ZDHHC23: variants seen among roughly 807,000 people sequenced by gnomAD.
The protein encoded by ZDHHC23 is zDHHC palmitoyltransferase 23, also known as palmitoyltransferase ZDHHC23.
A neutral mutation model predicts 40.2 loss-of-function variants in ZDHHC23; 41 were observed. The observed-to-expected ratio is 1.02, with a 90% CI of 0.79 to 1.32. ZDHHC23 has a LOEUF of 1.32. Among genes scored for constraint, ZDHHC23 ranks in the 40% most tolerant of loss-of-function variants. The pLI, the probability that ZDHHC23 is intolerant of heterozygous loss-of-function variation, is 0.00. For synonymous variants in ZDHHC23, 204 were observed against 210.2 expected (o/e 0.97, Z 0.26); for missense variants, 471 against 541.5 (o/e 0.87, Z 1.29).
chr3:113,956,280 G>T, intron 3 of ZDHHC23, 59 bp from the exon 4 acceptor site: 1 of 1,532,704 alleles, frequency 6.5e-7, no homozygotes, highest in South Asian at 1.2e-5. Context: ...TATTATGTAA[G>T]TTATATCAAG....
the ZDHHC23 span, among the ~76,000 whole-genome samples, chr3:113,977,959 A>G: frequency 6.6e-6 from 1 of 152,198 alleles, no homozygotes; most frequent in African/African-American, 2.4e-5. Context: ...TCCGTGAGGT[A>G]GAAAGGGCAG....
rs907545823 is a variant in ZDHHC23, at chr3:113,960,977, G to A, written c.*2347G>A. On this transcript the variant is annotated 3_prime_UTR_variant, in exon 5 of 5. Transcript: ENST00000638807. ...TTCTGTAGGCTCTGTGACATCTTTG[G>A]TTTATAGGATTTTGGAGCCTTTTAT... The A allele has an allele frequency of 2.1e-6, 1 of 477,498 alleles. No homozygotes were observed. Among genetic ancestry groups the A allele is most frequent in the Admixed American group, 3.9e-5 (1 of 25,362 alleles). 29.6% of individuals were successfully genotyped at this position (477,498 alleles called of 1,614,324 possible).
chr3:113,953,598 T>G, intron 2 of ZDHHC23, 102 bp from the exon 3 acceptor site: 1 of 1,016,496 alleles, frequency 9.8e-7, no homozygotes, highest in Non-Finnish European at 1.4e-6. Flanking sequence ...TGGTCTTTGG[T>G]AGCTTTTATC....
chr3:113,978,320 A>G, the ZDHHC23 span: 1 of 1,613,934 alleles, frequency 6.2e-7, no homozygotes. Context: ...CTTCCTGCAG[A>G]TCAATCACGT....
At position 113,954,426 on chromosome 3, in the gene ZDHHC23, T is replaced by C. The variant is rs1456462303; in HGVS notation, c.872+16T>C. 1 of 1,539,646 alleles carries C rather than the reference T, an allele frequency of 6.5e-7. No individual in the cohort carries two copies. Among genetic ancestry groups the C allele is most frequent in the Non-Finnish European group, 8.8e-7 (1 of 1,141,676 alleles). ...ATTGTGTCTGGTATGTTGGAAACATTTGGAGACTTGGAAAGTGTAAATTCA... is the reference window on the plus strand; with the variant it reads ...ATTGTGTCTGGTATGTTGGAAACATCTGGAGACTTGGAAAGTGTAAATTCA... On this transcript the variant is annotated intron_variant, in intron 3 of 4. Coordinates refer to ENST00000638807, the MANE Select transcript of ZDHHC23 (RefSeq NM_001320466.2).
At chr3:113,967,719 G>A (rs1940354998), downstream of ZDHHC23, among the ~76,000 whole-genome samples, 1 of 152,026 alleles carries the variant, frequency 6.6e-6, no homozygotes, top group Non-Finnish European at 1.5e-5. Context: ...CTGATCTATT[G>A]AACATTAGGC....
At chr3:113,955,373 T>C (rs1347449973) in intron 3 of ZDHHC23, among the ~76,000 whole-genome samples, 2 of 146,876 alleles carry the variant, frequency 1.4e-5, no homozygotes, top group Non-Finnish European at 3.0e-5. Context: ...TGTGTGTGTG[T>C]GTGTGTGTGT....
At chr3:113,965,149 T>C, downstream of ZDHHC23, 1 of 1,584,398 alleles carries the variant, frequency 6.3e-7, no homozygotes, top group South Asian at 1.2e-5. Flanking sequence ...ATTACACTAA[T>C]CTGGCTCATT....
downstream of ZDHHC23, among the ~76,000 whole-genome samples, chr3:113,966,518 T>G (rs1412661524): frequency 6.6e-6 from 1 of 152,190 alleles, no homozygotes; most frequent in Non-Finnish European, 1.5e-5. Context: ...ATGTCTGAAC[T>G]GAATTTTTGT....
At chr3:113,949,599 T>G (rs1938471053) in intron 2 of ZDHHC23, among the ~76,000 whole-genome samples, 1 of 152,222 alleles carries the variant, frequency 6.6e-6, no homozygotes, top group Admixed American at 6.5e-5. Context: ...CTGAAAAAAT[T>G]TGGTGTCGGA....
Position 113,959,204 on chromosome 3 carries a change from A to G in ZDHHC23, c.*574A>G. On this transcript the variant is annotated 3_prime_UTR_variant, in exon 5 of 5. Transcript: ENST00000638807. ...GATGGAAGAAAAACGTTTATAGTCT[A>G]GAATATTGAAGCCAATATTATTAGG... The G allele has an allele frequency of 9.4e-7, 1 of 1,069,426 alleles. No homozygotes were observed. The highest frequency in any genetic ancestry group is 1.1e-6 in the Non-Finnish European group (1 of 876,950). The allele number at this position is 1,069,426 out of a possible 1,614,324, so 66.2% of individuals were successfully genotyped here. A position where few individuals can be genotyped will look rare whatever the true frequency, so the allele number is the denominator to read the frequency against.
At chr3:113,955,391 T>TGTGCGC (rs58421915) in intron 3 of ZDHHC23, among the ~76,000 whole-genome samples, 23 of 149,174 alleles carry the variant, frequency 1.5e-4, no homozygotes, top group African/African-American at 5.7e-4. Flanking sequence ...TGTGTGTGTG[T>TGTGCGC]GCGTGTGTGT....
downstream of ZDHHC23, chr3:113,965,107 C>A (rs765757981): frequency 1.8e-5 from 22 of 1,215,222 alleles, no homozygotes; most frequent in Non-Finnish European, 2.4e-5. Flanking sequence ...AGATAACACA[C>A]ATACAGACTA....
rs1939632376 is a variant in ZDHHC23, at chr3:113,960,847, G to A, written c.*2217G>A. 1 of 1,457,944 alleles carries A rather than the reference G, an allele frequency of 6.9e-7. No individual in the cohort carries two copies. The highest frequency in any genetic ancestry group is 9.1e-7 in the Non-Finnish European group (1 of 1,101,046). The allele number at this position is 1,457,944 out of a possible 1,614,324, so 90.3% of individuals were successfully genotyped here. A position where few individuals can be genotyped will look rare whatever the true frequency, so the allele number is the denominator to read the frequency against. ...GAGAACCCATGATGGACAGTTGACA[G>A]AATGCTTAAACCTGTCAAAAGATGA... On this transcript the variant is annotated 3_prime_UTR_variant, in exon 5 of 5. Coordinates refer to ENST00000638807, the MANE Select transcript of ZDHHC23 (RefSeq NM_001320466.2).
In ZDHHC23 at chr3:113,958,862, G is replaced by T; in HGVS notation, c.*232G>T. 1 of 1,340,608 alleles carries T rather than the reference G, an allele frequency of 7.5e-7. No individual in the cohort carries two copies. The highest frequency in any genetic ancestry group is 9.7e-7 in the Non-Finnish European group (1 of 1,025,662). The allele number at this position is 1,340,608 out of a possible 1,614,324, so 83.0% of individuals were successfully genotyped here. ...TTCCTTTCCAGTCACCTTTTTAATT[G>T]ACTCAGTTGCCTGAACTTGAGAAGG... is the stretch of plus-strand genomic sequence containing the variant. On this transcript the variant is annotated 3_prime_UTR_variant, in exon 5 of 5. Coordinates refer to ENST00000638807, the MANE Select transcript of ZDHHC23 (RefSeq NM_001320466.2).
In ZDHHC23 at chr3:113,958,432, G is replaced by C. The variant is rs752564857; in HGVS notation, c.1110G>C (p.Leu370=). 3.1e-6 allele frequency: 5 copies of C among 1,614,032 alleles called. No homozygotes were observed. In the African/African-American group the frequency reaches 6.7e-5, roughly 22 times the overall value. Residue 370 remains leucine, a synonymous_variant, in exon 5 of 5, where the codon CTG becomes CTC. Coordinates refer to ENST00000638807, the MANE Select transcript of ZDHHC23 (RefSeq NM_001320466.2). ...CAGCAGGCATGGCCTACATCTTCCT[G>C]ATCCAGCTGATCAACATCAGCTACA... ...IITAGMAYIF[L]IQLINISYNV...
chr3:113,955,383 T>C (rs946332328), intron 3 of ZDHHC23, among the ~76,000 whole-genome samples: 18 of 148,478 alleles, frequency 1.2e-4, no homozygotes, highest in South Asian at 6.3e-4. Flanking sequence ...TGTGTGTGTG[T>C]GTGTGTGTGC....
At position 113,962,445 on chromosome 3, in the gene ZDHHC23, C is replaced by T. The variant is rs1020179128; in HGVS notation, c.*3815C>T. 3 of 152,206 alleles carry T rather than the reference C, an allele frequency of 2.0e-5. No individual in the cohort carries two copies. Among genetic ancestry groups the T allele is most frequent in the African/African-American group, 7.2e-5 (3 of 41,454 alleles). 9.4% of individuals were successfully genotyped at this position (152,206 alleles called of 1,614,324 possible). On this transcript the variant is annotated 3_prime_UTR_variant, in exon 5 of 5. Coordinates refer to ENST00000638807, the MANE Select transcript of ZDHHC23 (RefSeq NM_001320466.2). ...GGCTTGTGACTTCTTAGTGGCCTAG[C>T]CTTCTTGATGGCACCTTGAAAGTGA... is the stretch of plus-strand genomic sequence containing the variant.
At chr3:113,951,935 C>G (rs756617302) in intron 2 of ZDHHC23, among the ~76,000 whole-genome samples, 1 of 152,108 alleles carries the variant, frequency 6.6e-6, no homozygotes, top group Non-Finnish European at 1.5e-5. Flanking sequence ...GTCAGGAGTT[C>G]AAGACCAGCC....
Sources: gnomAD v4.1 joint callset for allele counts (sites outside exome capture counted in the v4.1 genomes callset) on GRCh38, gnomAD v4.1.1 for gene constraint, MANE v1.5 for transcripts, NCBI Gene and HGNC (gene_info 2026-07-23, HGNC 2026-07-21) for gene names.